Variants in AAGAB observed in about 807,000 individuals in gnomAD.
AAGAB encodes the protein alpha- and gamma-adaptin-binding protein p34.
Under a neutral mutation model 44.1 loss-of-function variants are expected in AAGAB, and 38 were observed. The observed-to-expected ratio is 0.86, with a 90% CI of 0.67 to 1.13. The LOEUF is 1.13. AAGAB is among the 50% of genes most tolerant of loss of function. The pLI is 0.00. For synonymous variants in AAGAB, 131 were observed against 131.8 expected, an observed-to-expected ratio of 0.99 and a Z score of 0.04; for missense variants, 450 against 373.8, an observed-to-expected ratio of 1.20 and a Z score of -1.68.
At chr15:67,223,609 G>A (rs918060960) in intron 5 of AAGAB, among the ~76,000 whole-genome samples, 8 of 152,020 alleles carry the variant, frequency 5.3e-5, no homozygotes, top group Non-Finnish European at 1.2e-4. Context: ...TATTGTAATA[G>A]GCCCCTAAGA....
At chr15:67,230,061 C>G (rs1181304392) in intron 5 of AAGAB, among the ~76,000 whole-genome samples, 2 of 151,704 alleles carry the variant, frequency 1.3e-5, no homozygotes, top group African/African-American at 2.4e-5. Flanking sequence ...ACAATGTTGG[C>G]CAGGATGGTC....
chr15:67,216,555 C>A (rs1289617992), intron 5 of AAGAB, among the ~76,000 whole-genome samples: 2 of 144,174 alleles, frequency 1.4e-5, no homozygotes, highest in Admixed American at 7.0e-5. Context: ...TCCCTATGCA[C>A]ACATACACAC....
intron 5 of AAGAB, among the ~76,000 whole-genome samples, chr15:67,230,650 A>G (rs1394069405): frequency 6.6e-6 from 1 of 152,182 alleles, no homozygotes; most frequent in Non-Finnish European, 1.5e-5. Flanking sequence ...ATGCTGTTCT[A>G]TGTCATATGG....
At position 67,202,149 on chromosome 15, in the gene AAGAB, G is replaced by C. The variant is rs1163733737; in HGVS notation, c.*672C>G. The C allele has an allele frequency of 6.6e-6, 1 of 152,478 alleles. No homozygotes were observed. Among genetic ancestry groups the C allele is most frequent in the African/African-American group, 2.4e-5 (1 of 41,444 alleles). The allele number at this position is 152,478 out of a possible 1,614,324, so 9.4% of individuals were successfully genotyped here. On this transcript the variant is annotated 3_prime_UTR_variant, in exon 10 of 10. Transcript: ENST00000261880. ...AACATATCCCCCACAACTCAGTAGA[G>C]AGGTTTTCTTCCCACTGGAATAGAA...
intron 5 of AAGAB, among the ~76,000 whole-genome samples, chr15:67,228,343 T>C (rs1964252533): frequency 6.6e-6 from 1 of 152,220 alleles, no homozygotes; most frequent in African/African-American, 2.4e-5. Flanking sequence ...TGGTAAATGC[T>C]CAACAAGGAT....
chr15:67,246,856 T>C (rs1272060304), intron 1 of AAGAB, among the ~76,000 whole-genome samples: 5 of 152,150 alleles, frequency 3.3e-5, no homozygotes, highest in African/African-American at 7.2e-5. Flanking sequence ...AATGGACCAA[T>C]CAGCAGGATG....
intron 7 of AAGAB, among the ~76,000 whole-genome samples, chr15:67,206,044 C>T (rs953453601): frequency 5.9e-5 from 9 of 152,264 alleles, no homozygotes; most frequent in African/African-American, 2.2e-4. Flanking sequence ...TAGACTTCAT[C>T]GGTTTTTCCA....
intron 4 of AAGAB, among the ~76,000 whole-genome samples, chr15:67,233,250 T>C (rs531482918): frequency 2.6e-5 from 4 of 152,334 alleles, no homozygotes; most frequent in Middle Eastern, 3.4e-3. Context: ...AGAAGTGAAA[T>C]GACTAGAAGT....
intron 5 of AAGAB, among the ~76,000 whole-genome samples, chr15:67,212,369 CTT>C (rs1963844953): frequency 6.6e-6 from 1 of 151,748 alleles, no homozygotes; most frequent in Non-Finnish European, 1.5e-5. Context: ...GCAATTAAAA[CTT>C]TGAAAAAAAA....
intron 1 of AAGAB, 51 bp downstream of exon 1, chr15:67,254,508 C>T: frequency 6.5e-7 from 1 of 1,546,790 alleles, no homozygotes; most frequent in Non-Finnish European, 8.8e-7. Context: ...GGTCCGTCGC[C>T]CGCTGAGGCT....
intron 7 of AAGAB, among the ~76,000 whole-genome samples, chr15:67,204,454 G>A (rs1191955325): frequency 6.6e-6 from 1 of 152,142 alleles, no homozygotes; most frequent in Non-Finnish European, 1.5e-5. Context: ...TGATTCAGAC[G>A]CAGGTGTTTC....
rs1327309943 is a variant in AAGAB, at chr15:67,201,077, A to G, written c.*1744T>C. On this transcript the variant is annotated 3_prime_UTR_variant, in exon 10 of 10. Transcript: ENST00000261880. The stretch of plus-strand genomic sequence containing the variant: ...CATCTGGCTTTGTTTAATCTACAAA[A>G]TCAAATTCACAGCTTTTTCTAGTCT... The G allele has an allele frequency of 6.6e-6, 1 of 152,314 alleles. No individual in the cohort carries two copies. Among genetic ancestry groups the G allele is most frequent in the Non-Finnish European group, 1.5e-5 (1 of 68,042 alleles). The allele number at this position is 152,314 out of a possible 1,614,324, so 9.4% of individuals were successfully genotyped here.
At chr15:67,213,150 T>C (rs1188219497) in intron 5 of AAGAB, among the ~76,000 whole-genome samples, 3 of 152,320 alleles carry the variant, frequency 2.0e-5, no homozygotes, top group African/African-American at 4.8e-5. Context: ...TATGTTAAAC[T>C]GTGGTCCTAA....
At chr15:67,204,689 T>C (rs1346678877) in intron 7 of AAGAB, among the ~76,000 whole-genome samples, 1 of 152,186 alleles carries the variant, frequency 6.6e-6, no homozygotes, top group Non-Finnish European at 1.5e-5. Flanking sequence ...TATTCAGAGG[T>C]AGAGCTGATT....
upstream of AAGAB, chr15:67,255,135 ACCCT>A: frequency 1.6e-6 from 1 of 626,434 alleles, no homozygotes; most frequent in Non-Finnish European, 2.9e-6. Context: ...CCGGTGACTT[ACCCT>A]GTAGGTTACG....
chr15:67,248,441 A>G (rs1349243075), intron 1 of AAGAB, among the ~76,000 whole-genome samples: 1 of 152,224 alleles, frequency 6.6e-6, no homozygotes, highest in African/African-American at 2.4e-5. Context: ...CAACAAAATA[A>G]GTAACTTTGC....
chr15:67,250,877 A>G (rs971801286), intron 1 of AAGAB, among the ~76,000 whole-genome samples: 6 of 152,048 alleles, frequency 3.9e-5, no homozygotes, highest in Non-Finnish European at 7.4e-5. Context: ...AATACAAAAA[A>G]TTACCCGAGC....
rs890973948 is a variant in AAGAB at position 67,254,272 on chromosome 15, T to C, written c.73+287A>G. 1.3e-5 allele frequency: 8 copies of C among 611,516 alleles called. No homozygotes were observed. The Admixed American group carries it at 1.5e-4, about 12-fold the overall frequency. The allele number at this position is 611,516 out of a possible 1,614,324, so 37.9% of individuals were successfully genotyped here. ...AATTTCCGGAGAGCCTTCAGGTTCA[T>C]CTCAACGGATCCTCGCAAAAACCTG... On this transcript the variant is annotated intron_variant, in intron 1 of 9. Transcript: ENST00000261880.
chr15:67,254,487 C>G, intron 1 of AAGAB, 72 bp downstream of exon 1: 1 of 1,517,026 alleles, frequency 6.6e-7, no homozygotes, highest in Non-Finnish European at 8.9e-7. Context: ...CCCAGAGAGG[C>G]CGTGGTGCTG....
Sources: allele counts gnomAD v4.1 joint callset (sites outside exome capture counted in the v4.1 genomes callset), GRCh38; gene constraint gnomAD v4.1.1; transcripts MANE v1.5; gene names NCBI Gene and HGNC (gene_info 2026-07-23, HGNC 2026-07-21).